Variants in GSDME observed in about 807,000 individuals in gnomAD.
GSDME encodes gasdermin E.
A neutral mutation model predicts 47.5 loss-of-function variants in GSDME; 44 were observed. The ratio of observed to expected loss-of-function variants is 0.93; its 90% CI spans 0.73 to 1.19. The LOEUF (loss-of-function observed/expected upper bound fraction) is 1.19, where lower values mean the gene tolerates loss of function less well. GSDME is among the 50% of genes most tolerant of loss of function. The pLI, the probability that GSDME is intolerant of heterozygous loss-of-function variation, is 0.00. For missense variants in GSDME, 663 were observed against 604.2 expected, an observed-to-expected ratio of 1.10 and a Z score of -1.02; for synonymous variants, 258 against 252.8, an observed-to-expected ratio of 1.02 and a Z score of -0.20.
Position 24,717,256 on chromosome 7 carries a change from A to C in GSDME, c.695T>G (p.Phe232Cys), listed in dbSNP as rs747059718. 1 of 1,558,194 alleles carries C rather than the reference A, an allele frequency of 6.4e-7. No homozygotes were observed. The highest frequency in any genetic ancestry group is 8.7e-7 in the Non-Finnish European group (1 of 1,150,782). The change falls in exon 5 of 10, where the codon TTC becomes TGC. Residue 232 changes from phenylalanine to cysteine, a missense_variant and splice_region_variant. Physicochemically the swap from Phe to Cys is radical, Grantham distance 205. Coordinates refer to ENST00000645220, the MANE Select transcript of GSDME (RefSeq NM_001127453.2). ...IELYVKLDGQFEFCLLRGKQG... is the reference protein window; with the variant it reads ...IELYVKLDGQCEFCLLRGKQG... Reference sequence around the variant, plus strand: ...CACCCATAGGAGGTGGCACTCACCGAACTGGCCGTCCAGTTTCACGTATAA... The same window carrying C: ...CACCCATAGGAGGTGGCACTCACCGCACTGGCCGTCCAGTTTCACGTATAA...
the GSDME span, among the ~76,000 whole-genome samples, chr7:24,787,727 GAC>G: frequency 6.6e-6 from 1 of 151,808 alleles, no homozygotes; most frequent in Admixed American, 6.6e-5. The surrounding 1 kb of genome is among the most constrained non-coding windows in gnomAD (Gnocchi z 5.0). Context: ...ATGTTTTTGA[GAC>G]AGAGTCTCGC....
At chr7:24,761,523 G>A (rs558230873), upstream of GSDME, among the ~76,000 whole-genome samples, 1 of 152,362 alleles carries the variant, frequency 6.6e-6, no homozygotes, top group East Asian at 1.9e-4. This position sits in a 1 kb window ranked among gnomAD's most constrained non-coding sequence, Gnocchi z 4.4. Flanking sequence ...TCCACCTCAT[G>A]ACCTAATCAC....
the GSDME span, among the ~76,000 whole-genome samples, chr7:24,783,783 GGGAGGGGA>G: frequency 6.6e-6 from 1 of 152,084 alleles, no homozygotes; most frequent in East Asian, 1.9e-4. Flanking sequence ...ATGGGGATTA[GGGAGGGGA>G]GGAGTCTAGA....
rs542165192 is a variant in GSDME, at chr7:24,720,055, A to G, written c.405-837T>C. On this transcript the variant is annotated intron_variant, in intron 3 of 9. Coordinates refer to ENST00000645220, the MANE Select transcript of GSDME (RefSeq NM_001127453.2). ...GGAAACTTCTTAACCTGTCTAGGAAAGATGTTTCATCTCTTAGAAGGGGTT... is the reference window on the plus strand; with the variant it reads ...GGAAACTTCTTAACCTGTCTAGGAAGGATGTTTCATCTCTTAGAAGGGGTT... Among the ~76,000 whole-genome samples the G allele has an allele frequency of 1.1e-4, 16 of 152,360 alleles. 1 individual carries two copies. In the South Asian group the frequency reaches 3.1e-3, roughly 30 times the overall value.
At chr7:24,747,173 C>T (rs1435053644) in intron 2 of GSDME, among the ~76,000 whole-genome samples, 4 of 152,128 alleles carry the variant, frequency 2.6e-5, no homozygotes, top group African/African-American at 7.2e-5. Flanking sequence ...TCATTTTTTA[C>T]CCTCTTATTC....
intron 6 of GSDME, among the ~76,000 whole-genome samples, chr7:24,708,585 CTA>C (rs1233222758): frequency 6.6e-5 from 10 of 152,098 alleles, no homozygotes; most frequent in Admixed American, 4.6e-4. Context: ...CATGACTTCT[CTA>C]GAAGTAAATT....
upstream of GSDME, among the ~76,000 whole-genome samples, chr7:24,761,938 C>T (rs565087909): frequency 4.6e-5 from 7 of 152,218 alleles, no homozygotes; most frequent in South Asian, 4.2e-4. The surrounding 1 kb of genome is among the most constrained non-coding windows in gnomAD (Gnocchi z 4.4). Context: ...TTCTATCTGC[C>T]GCCCTTGTTT....
chr7:24,706,373 C>T lies in GSDME; in HGVS notation c.994G>A (p.Asp332Asn), dbSNP rs369136012. The T allele has an allele frequency of 1.2e-5, 20 of 1,612,258 alleles. No individual in the cohort carries two copies. Among genetic ancestry groups the T allele is most frequent in the African/African-American group, 6.7e-5 (5 of 74,874 alleles). ...GGCGAGAGGCCGCTGACCAGGTCAT[C>T]GCACTGTAGGGCAGGGAAGAAGAAG... The part of the protein sequence containing the change: ...ELLMVLEPVC[D>N]DLVSGLSPTV... The change falls in exon 8 of 10, where the codon GAT (aspartate) becomes AAT (asparagine). Residue 332 changes from aspartate (D) to asparagine (N), a missense_variant. Physicochemically the swap from Asp to Asn is conservative, Grantham distance 23 (BLOSUM62 1). Coordinates refer to ENST00000645220, the MANE Select transcript of GSDME (RefSeq NM_001127453.2).
At chr7:24,767,326 C>T in the GSDME span, among the ~76,000 whole-genome samples, 201 of 152,050 alleles carry the variant, frequency 1.3e-3, no homozygotes, top group Non-Finnish European at 2.2e-3. This position sits in a 1 kb window ranked among gnomAD's most constrained non-coding sequence, Gnocchi z 5.3. Context: ...TCCATCTCAA[C>T]AAAAAATATT....
At chr7:24,702,214 A>T (rs1788897164) in intron 9 of GSDME, among the ~76,000 whole-genome samples, 3 of 152,210 alleles carry the variant, frequency 2.0e-5, no homozygotes, top group Admixed American at 2.0e-4. Context: ...GGAAAAGCTT[A>T]ATCTTGACTC....
At chr7:24,772,166 T>C in the GSDME span, among the ~76,000 whole-genome samples, 2 of 152,194 alleles carry the variant, frequency 1.3e-5, no homozygotes, top group Non-Finnish European at 2.9e-5. The surrounding 1 kb of genome is among the most constrained non-coding windows in gnomAD (Gnocchi z 4.5). Context: ...GTGAGGAAGG[T>C]GCCTTGCTGG....
chr7:24,788,842 C>T, the GSDME span, among the ~76,000 whole-genome samples: 2 of 152,152 alleles, frequency 1.3e-5, no homozygotes, highest in African/African-American at 4.8e-5. The surrounding 1 kb of genome is among the most constrained non-coding windows in gnomAD (Gnocchi z 4.6). Flanking sequence ...AAACAGTCCT[C>T]CTTTAATGGC....
chr7:24,712,191 A>G lies in GSDME; in HGVS notation c.698-1803T>C, dbSNP rs10253997. ...CCTGGGCTTTACCCACCTGGCCCAC[A>G]CCAGCATTCAGGCTGACCCTACTCC... On this transcript the variant is annotated intron_variant, in intron 5 of 9. Transcript: ENST00000645220. The surrounding 1 kb of genome is among the most constrained non-coding windows in gnomAD (Gnocchi z 4.4). 0.024 allele frequency among the ~76,000 whole-genome samples: 3,670 copies of G among 152,334 alleles called. 168 individuals carry two copies. Among genetic ancestry groups the G allele is most frequent in the African/African-American group, 0.084 (3,494 of 41,562 alleles).
At position 24,733,082 on chromosome 7, in the gene GSDME, C is replaced by T. The variant is rs1790196697; in HGVS notation, c.404+11480G>A. On this transcript the variant is annotated intron_variant, in intron 3 of 9. Coordinates refer to ENST00000645220, the MANE Select transcript of GSDME (RefSeq NM_001127453.2). The surrounding 1 kb of genome is among the most constrained non-coding windows in gnomAD (Gnocchi z 4.3). ...CTTTGTACTGTAACCAGAATACCAG[C>T]TCAGCCACAGTAGGATAGGGCACCA... Among the ~76,000 whole-genome samples, 1 of 152,028 alleles carries T rather than the reference C, an allele frequency of 6.6e-6. No homozygotes were observed. Among genetic ancestry groups the T allele is most frequent in the African/African-American group, 2.4e-5 (1 of 41,384 alleles).
At chr7:24,703,910 C>G (rs1409008639) in intron 8 of GSDME, 2 of 152,250 alleles carry the variant, frequency 1.3e-5, no homozygotes, top group East Asian at 1.9e-4. Context: ...GCCTCTGTCC[C>G]CAGCCATCTC....
the GSDME span, among the ~76,000 whole-genome samples, chr7:24,766,183 TTGTGTGTGTG>T: frequency 4.2e-5 from 6 of 144,518 alleles, no homozygotes; most frequent in African/African-American, 7.7e-5. This position sits in a 1 kb window ranked among gnomAD's most constrained non-coding sequence, Gnocchi z 4.2. Context: ...ATTACATTAT[TTGTGTGTGTG>T]TGTGTGTGTG....
intron 6 of GSDME, among the ~76,000 whole-genome samples, chr7:24,708,713 C>A (rs1562689942): frequency 6.6e-6 from 1 of 152,156 alleles, no homozygotes; most frequent in Non-Finnish European, 1.5e-5. Context: ...ATTTTCTATC[C>A]TTTAATATTT....
At chr7:24,762,867 CCA>C (rs200695171), upstream of GSDME, among the ~76,000 whole-genome samples, 983 of 152,204 alleles carry the variant, frequency 6.5e-3, 10 homozygotes, top group African/African-American at 0.022. Context: ...GGAGGAAGAA[CCA>C]CAGTCCTCAT....
intron 3 of GSDME, among the ~76,000 whole-genome samples, chr7:24,743,112 G>A (rs906734698): frequency 1.3e-5 from 2 of 152,200 alleles, no homozygotes; most frequent in Admixed American, 6.5e-5. Flanking sequence ...GTAAGCATGG[G>A]CAGTTACTGA....
Sources: allele counts gnomAD v4.1 joint callset (sites outside exome capture counted in the v4.1 genomes callset), GRCh38; gene constraint gnomAD v4.1.1; non-coding constraint Gnocchi (gnomAD v3.1); transcripts MANE v1.5; gene names NCBI Gene and HGNC (gene_info 2026-07-23, HGNC 2026-07-21).